PPP2R2B: variants seen among roughly 807,000 people sequenced by gnomAD.
PPP2R2B encodes serine/threonine-protein phosphatase 2A 55 kDa regulatory subunit B beta isoform.
In PPP2R2B, 5 loss-of-function variants were observed where a neutral mutation model predicts 46.0. The observed-to-expected ratio is 0.11, with a 90% CI of 0.06 to 0.23. PPP2R2B has a LOEUF of 0.23. Among genes scored for constraint, PPP2R2B ranks in the 10% least tolerant of loss-of-function variants. The pLI is 1.00. For missense variants in PPP2R2B, 367 were observed against 575.0 expected, an observed-to-expected ratio of 0.64 and a Z score of 3.70; for synonymous variants, 215 against 206.7, an observed-to-expected ratio of 1.04 and a Z score of -0.34.
chr5:146,629,787 CCCTTTCT>C (rs1774306965), intron 7 of PPP2R2B, among the ~76,000 whole-genome samples: 2 of 150,912 alleles, frequency 1.3e-5, no homozygotes, highest in South Asian at 2.1e-4. Flanking sequence ...TTCCCCTTTC[CCCTTTCT>C]CCTTTCTTTC....
chr5:147,019,894 C>T (rs996167028), intron 1 of PPP2R2B, among the ~76,000 whole-genome samples: 1 of 152,124 alleles, frequency 6.6e-6, no homozygotes, highest in Non-Finnish European at 1.5e-5. Flanking sequence ...GCTCAGATCT[C>T]GTTTCAAGGA....
chr5:146,750,825 T>C (rs958677402), intron 2 of PPP2R2B, among the ~76,000 whole-genome samples: 5 of 152,160 alleles, frequency 3.3e-5, no homozygotes, highest in African/African-American at 1.2e-4. Flanking sequence ...TAACATAAAA[T>C]AAAACAGTTC....
At chr5:146,848,836 A>T (rs774825000) in intron 2 of PPP2R2B, among the ~76,000 whole-genome samples, 3 of 148,514 alleles carry the variant, frequency 2.0e-5, no homozygotes, top group Non-Finnish European at 2.9e-5. Flanking sequence ...GGAGTTCTGC[A>T]TGGGAGATTT....
chr5:146,712,442 A>G (rs565985566), intron 2 of PPP2R2B, among the ~76,000 whole-genome samples: 1 of 152,318 alleles, frequency 6.6e-6, no homozygotes, highest in East Asian at 1.9e-4. Flanking sequence ...ATCTTTAATA[A>G]ATATTCATCA....
At chr5:147,067,098 A>G (rs955413316) in intron 2 of PPP2R2B, among the ~76,000 whole-genome samples, 3 of 152,216 alleles carry the variant, frequency 2.0e-5, no homozygotes, top group African/African-American at 7.2e-5. Context: ...GGTGTACAAC[A>G]TGGTGTTTAA....
exon 1 of PPP2R2B, chr5:147,081,264 C>T: frequency 6.5e-7 from 1 of 1,535,676 alleles, no homozygotes; most frequent in East Asian, 2.4e-5. Context: ...CACCAGGTAT[C>T]ATCTCGTCAG....
chr5:146,784,100 T>C (rs1755697016), intron 2 of PPP2R2B, among the ~76,000 whole-genome samples: 1 of 152,214 alleles, frequency 6.6e-6, no homozygotes. Context: ...GTTAACATTT[T>C]ACCCTTTCTC....
At chr5:146,929,438 G>A (rs1049278236) in intron 1 of PPP2R2B, among the ~76,000 whole-genome samples, 1 of 152,058 alleles carries the variant, frequency 6.6e-6, no homozygotes, top group Non-Finnish European at 1.5e-5. Context: ...TGCACCAAAT[G>A]TGAGAACACT....
At chr5:147,001,478 C>T (rs1754174748) in intron 1 of PPP2R2B, among the ~76,000 whole-genome samples, 1 of 152,120 alleles carries the variant, frequency 6.6e-6, no homozygotes, top group Non-Finnish European at 1.5e-5. Flanking sequence ...GACCACAAAC[C>T]CACCAGAAGG....
chr5:146,667,332 GCACACACACA>G (rs144297178), intron 5 of PPP2R2B, among the ~76,000 whole-genome samples: 30 of 32,054 alleles, frequency 9.4e-4, no homozygotes, highest in African/African-American at 2.5e-3. Flanking sequence ...GCGTGCGCGC[GCACACACACA>G]CACACACACA....
chr5:146,670,565 G>A (rs908236774), intron 5 of PPP2R2B, among the ~76,000 whole-genome samples: 8 of 151,470 alleles, frequency 5.3e-5, no homozygotes, highest in Non-Finnish European at 8.8e-5. Flanking sequence ...GCGCAATGTC[G>A]GCTCACTGCA....
chr5:146,842,328 C>T (rs1313453952), intron 2 of PPP2R2B, among the ~76,000 whole-genome samples: 2 of 151,846 alleles, frequency 1.3e-5, no homozygotes, highest in Non-Finnish European at 2.9e-5. Context: ...AATTCCTTCC[C>T]ACCCCCACAC....
At chr5:146,593,710 G>C (rs1431456733) in intron 8 of PPP2R2B, among the ~76,000 whole-genome samples, 1 of 152,166 alleles carries the variant, frequency 6.6e-6, no homozygotes, top group Non-Finnish European at 1.5e-5. Context: ...TCCAAGCATA[G>C]GAAACAGCAA....
At chr5:146,962,561 G>A (rs922528740) in intron 1 of PPP2R2B, among the ~76,000 whole-genome samples, 11 of 152,008 alleles carry the variant, frequency 7.2e-5, no homozygotes, top group Non-Finnish European at 1.2e-4. Context: ...GGAGGATGAG[G>A]CAGGAGAATA....
chr5:146,740,073 C>T (rs149778289), intron 2 of PPP2R2B, among the ~76,000 whole-genome samples: 98 of 152,294 alleles, frequency 6.4e-4, no homozygotes, highest in Middle Eastern at 3.4e-3. Flanking sequence ...GATTGCAAAG[C>T]ACAATAAATG....
chr5:146,998,978 C>T (rs534835304), intron 1 of PPP2R2B, among the ~76,000 whole-genome samples: 1 of 134,002 alleles, frequency 7.5e-6, no homozygotes, highest in South Asian at 2.5e-4. Flanking sequence ...CAAGCCACTG[C>T]ACTCCAGCCT....
At chr5:146,840,257 T>A (rs1456964032) in intron 2 of PPP2R2B, among the ~76,000 whole-genome samples, 1 of 152,202 alleles carries the variant, frequency 6.6e-6, no homozygotes, top group South Asian at 2.1e-4. Flanking sequence ...ATTGAGTGAC[T>A]CCTCTGTGCC....
chr5:147,014,077 A>G (rs937877470), intron 1 of PPP2R2B, among the ~76,000 whole-genome samples: 1 of 124,446 alleles, frequency 8.0e-6, no homozygotes, highest in Admixed American at 8.3e-5. Context: ...TGGGCAAAGG[A>G]CATGAACAGA....
rs1304994884 is a variant in PPP2R2B at position 146,583,700 on chromosome 5, A to G, written c.*6247T>C. 6.6e-6 allele frequency: 1 copy of G among 152,190 alleles called. No individual in the cohort carries two copies. The highest frequency in any genetic ancestry group is 1.5e-5 in the Non-Finnish European group (1 of 68,034). 9.4% of individuals were successfully genotyped at this position (152,190 alleles called of 1,614,324 possible). ...CATGAACAATCATTAACCATTTAGT[A>G]AATGAATGAATGAATGCATGAAATT... On this transcript the variant is annotated 3_prime_UTR_variant, in exon 10 of 10. Transcript: ENST00000394411.
Sources: gnomAD v4.1 joint callset for allele counts (sites outside exome capture counted in the v4.1 genomes callset) on GRCh38, gnomAD v4.1.1 for gene constraint, MANE v1.5 for transcripts, NCBI Gene and HGNC (gene_info 2026-07-23, HGNC 2026-07-21) for gene names.